DOCK3: variants seen among roughly 807,000 people sequenced by gnomAD.
DOCK3 encodes dedicator of cytokinesis 3.
In DOCK3, 60 loss-of-function variants were observed where a neutral mutation model predicts 265.6. The observed-to-expected ratio is 0.23, with a 90% confidence interval of 0.18 to 0.28. The LOEUF is 0.28. Among genes scored for constraint, DOCK3 ranks in the 10% least tolerant of loss-of-function variants. The pLI, the probability that DOCK3 is intolerant of heterozygous loss-of-function variation, is 1.00. For missense variants in DOCK3, 1,981 were observed against 2,594.3 expected (o/e 0.76, Z 5.14); for synonymous variants, 881 against 938.0 (o/e 0.94, Z 1.11).
chr3:51,374,357 C>T lies in DOCK3; in HGVS notation c.5294-112C>T. 1.1e-6 allele frequency: 1 copy of T among 951,504 alleles called. No homozygotes were observed. The highest frequency in any genetic ancestry group is 1.6e-6 in the Non-Finnish European group (1 of 613,112). 58.9% of individuals were successfully genotyped at this position (951,504 alleles called of 1,614,324 possible). On this transcript the variant is annotated intron_variant, in intron 49 of 52. Coordinates refer to ENST00000266037, the MANE Select transcript of DOCK3 (RefSeq NM_004947.5). The surrounding 1 kb of genome is among the most constrained non-coding windows in gnomAD (Gnocchi z 4.8). ...CCTGTGCTTGCTGAGTTCATCCTCA[C>T]CCTAACTGTAAGGGACACCTACCCT... is the stretch of plus-strand genomic sequence containing the variant.
At chr3:50,922,147 C>T (rs766521866) in intron 4 of DOCK3, among the ~76,000 whole-genome samples, 44 of 152,196 alleles carry the variant, frequency 2.9e-4, no homozygotes, top group African/African-American at 8.4e-4. Context: ...ATGCCTTTCC[C>T]GCAGAGGTGG....
At chr3:51,097,383 C>T (rs1432718703) in intron 9 of DOCK3, among the ~76,000 whole-genome samples, 2 of 152,188 alleles carry the variant, frequency 1.3e-5, no homozygotes, top group Non-Finnish European at 2.9e-5. Flanking sequence ...GTTCGAACTT[C>T]CAGGTGGCTT....
At chr3:50,887,115 G>C (rs1475486570) in intron 3 of DOCK3, among the ~76,000 whole-genome samples, 1 of 152,000 alleles carries the variant, frequency 6.6e-6, no homozygotes, top group African/African-American at 2.4e-5. Flanking sequence ...TAGACTGCTA[G>C]CAAGACTAAT....
chr3:51,081,938 G>A (rs1488032555), intron 7 of DOCK3, among the ~76,000 whole-genome samples: 1 of 151,792 alleles, frequency 6.6e-6, no homozygotes, highest in African/African-American at 2.4e-5. Flanking sequence ...GTTGCAGGGG[G>A]TGGTATCAAG....
chr3:50,741,524 G>C (rs1375096265), intron 1 of DOCK3, among the ~76,000 whole-genome samples: 16 of 149,058 alleles, frequency 1.1e-4, no homozygotes, highest in Non-Finnish European at 1.8e-4. Flanking sequence ...AATATGCAGT[G>C]TTTGGTTTTT....
Position 51,275,120 on chromosome 3 carries a change from C to A in DOCK3, c.2590C>A (p.His864Asn). 3.1e-6 allele frequency: 5 copies of A among 1,613,988 alleles called. No homozygotes were observed. The South Asian group carries it at 5.5e-5, about 18-fold the overall frequency. Residue 864 changes from histidine to asparagine, a missense_variant, in exon 25 of 53, where the codon CAC becomes AAC. Physicochemically the swap from His to Asn is moderately conservative, Grantham distance 68. Coordinates refer to ENST00000266037, the MANE Select transcript of DOCK3 (RefSeq NM_004947.5). ...ILLPVVLHHI[H>N]LHLRQQKELL... ...GCTTCCTGTGGTTCTCCATCACATT[C>A]ACCTTCACCTGAGGCAGCAGAAAGA...
chr3:51,201,188 T>C (rs2088737063), intron 12 of DOCK3, among the ~76,000 whole-genome samples: 1 of 150,332 alleles, frequency 6.7e-6, no homozygotes. Context: ...TAACTTTAAA[T>C]GTAAATGGAC....
chr3:51,107,668 C>T (rs1240674261), intron 9 of DOCK3, among the ~76,000 whole-genome samples: 1 of 152,174 alleles, frequency 6.6e-6, no homozygotes, highest in Non-Finnish European at 1.5e-5. Flanking sequence ...ACAAACAAAA[C>T]TTCCGATAAA....
intron 1 of DOCK3, among the ~76,000 whole-genome samples, chr3:50,730,251 C>T (rs1479329260): frequency 6.6e-6 from 1 of 152,156 alleles, no homozygotes; most frequent in Non-Finnish European, 1.5e-5. Context: ...AAGCGATTCT[C>T]CTGCCTCAGC....
intron 5 of DOCK3, among the ~76,000 whole-genome samples, chr3:51,002,532 C>T (rs1262395860): frequency 6.6e-6 from 1 of 152,148 alleles, no homozygotes; most frequent in Non-Finnish European, 1.5e-5. Flanking sequence ...TAAAGATTTT[C>T]TCCTGTATTT....
intron 12 of DOCK3, among the ~76,000 whole-genome samples, chr3:51,169,467 T>G (rs999001670): frequency 1.3e-5 from 2 of 152,284 alleles, no homozygotes; most frequent in Non-Finnish European, 2.9e-5. Flanking sequence ...GCCATCAATC[T>G]TAGCAAACTA....
intron 9 of DOCK3, among the ~76,000 whole-genome samples, chr3:51,092,329 G>A (rs1336680057): frequency 6.6e-6 from 1 of 152,180 alleles, no homozygotes; most frequent in Non-Finnish European, 1.5e-5. Flanking sequence ...AGCTTGGTTG[G>A]GGGAGGGACA....
rs2086082213 is a variant in DOCK3, at chr3:51,160,694, G to A, written c.1029G>A (p.Lys343=). The A allele has an allele frequency of 6.2e-7, 1 of 1,611,688 alleles. No homozygotes were observed. The highest frequency in any genetic ancestry group is 8.5e-7 in the Non-Finnish European group (1 of 1,179,088). ...AGGAAGAAAAGGATTTTGTTCTTAA[G>A]GTTTACACGTGAGTAATGGACATCA... ...EVKEEKDFVL[K]VYTCNNESEW... Residue 343 remains lysine (K), a synonymous_variant, in exon 12 of 53, where the codon AAG becomes AAA. Coordinates refer to ENST00000266037, the MANE Select transcript of DOCK3 (RefSeq NM_004947.5).
chr3:50,817,405 C>A (rs1411245868), intron 2 of DOCK3, among the ~76,000 whole-genome samples: 2 of 152,132 alleles, frequency 1.3e-5, no homozygotes, highest in African/African-American at 2.4e-5. Flanking sequence ...CATTTGTCCT[C>A]CTCAGCCTCC....
chr3:50,679,337 A>G (rs1382059568), intron 1 of DOCK3, among the ~76,000 whole-genome samples: 1 of 152,150 alleles, frequency 6.6e-6, no homozygotes, highest in South Asian at 2.1e-4. Flanking sequence ...CTCTTAGTAG[A>G]ACATGAAAAA....
intron 2 of DOCK3, among the ~76,000 whole-genome samples, chr3:50,826,379 C>T (rs2044756532): frequency 6.6e-6 from 1 of 152,130 alleles, no homozygotes; most frequent in Non-Finnish European, 1.5e-5. Flanking sequence ...CCACTTGATA[C>T]TCTTGAAGTC....
chr3:50,818,377 A>G (rs1396900449), intron 2 of DOCK3, among the ~76,000 whole-genome samples: 2 of 152,054 alleles, frequency 1.3e-5, no homozygotes, highest in African/African-American at 4.8e-5. Context: ...AGATTTCAGT[A>G]TTTGTCTTTT....
chr3:51,284,271 G>A (rs1260707879), intron 27 of DOCK3, among the ~76,000 whole-genome samples: 1 of 152,004 alleles, frequency 6.6e-6, no homozygotes, highest in Admixed American at 6.6e-5. Flanking sequence ...TTTTATGTGA[G>A]CACATAAATA....
chr3:51,160,693 A>G lies in DOCK3; in HGVS notation c.1028A>G (p.Lys343Arg), dbSNP rs768110364. The part of the protein sequence containing the change: ...EVKEEKDFVL[K>R]VYTCNNESEW... ...AAGGAAGAAAAGGATTTTGTTCTTA[A>G]GGTTTACACGTGAGTAATGGACATC... is the stretch of plus-strand genomic sequence containing the variant. The change falls in exon 12 of 53, where the codon AAG becomes AGG. Residue 343 changes from lysine (K) to arginine (R), a missense_variant. Coordinates refer to ENST00000266037, the MANE Select transcript of DOCK3 (RefSeq NM_004947.5). 24 of 1,611,980 alleles carry G rather than the reference A, an allele frequency of 1.5e-5. No homozygotes were observed. The Admixed American group carries it at 4.0e-4, about 27-fold the overall frequency.
Sources: gnomAD v4.1 joint callset for allele counts (sites outside exome capture counted in the v4.1 genomes callset) on GRCh38, gnomAD v4.1.1 for gene constraint, Gnocchi (gnomAD v3.1) non-coding constraint, MANE v1.5 for transcripts, NCBI Gene and HGNC (gene_info 2026-07-23, HGNC 2026-07-21) for gene names.